ATR: variants seen among roughly 807,000 people sequenced by gnomAD.
ATR encodes the protein serine/threonine-protein kinase ATR.
ATR carries 142 observed loss-of-function variants against 305.3 expected under a neutral mutation model. The ratio of observed to expected loss-of-function variants is 0.47; its 90% CI spans 0.41 to 0.53. The LOEUF is 0.53. ATR is among the 20% of genes least tolerant of loss of function. The probability of loss-of-function intolerance (pLI) is 0.00; values close to 1 mark genes in which losing one functional copy is unlikely to be tolerated. For synonymous variants in ATR, 1,050 were observed against 1,068.1 expected (o/e 0.98, Z 0.33); for missense variants, 2,135 against 3,133.1 (o/e 0.68, Z 7.60).
chr3:142,507,636 G>A (rs1046419171), intron 28 of ATR, among the ~76,000 whole-genome samples: 3 of 151,810 alleles, frequency 2.0e-5, no homozygotes, highest in Admixed American at 2.0e-4. Flanking sequence ...ATAATGTCTT[G>A]CCTCCCTATA....
intron 3 of ATR, among the ~76,000 whole-genome samples, chr3:142,563,727 A>T (rs1361249440): frequency 6.6e-6 from 1 of 152,182 alleles, no homozygotes; most frequent in African/African-American, 2.4e-5. Context: ...AAAAGCTAGA[A>T]ATGATTAAGC....
chr3:142,500,199 A>C (rs1435641203), intron 30 of ATR: 1 of 156,230 alleles, frequency 6.4e-6, no homozygotes, highest in Non-Finnish European at 1.4e-5. Context: ...GGTATCTAGA[A>C]CAATACCAAG....
intron 1 of ATR, among the ~76,000 whole-genome samples, chr3:142,576,595 AT>A (rs2035448826): frequency 6.6e-6 from 1 of 152,232 alleles, no homozygotes; most frequent in Non-Finnish European, 1.5e-5. Context: ...AATTTTTTTA[AT>A]TTAAAAAAAG....
Position 142,449,328 on chromosome 3 carries a change from T to C in ATR, c.*101A>G, listed in dbSNP as rs1302848184. On this transcript the variant is annotated 3_prime_UTR_variant, in exon 47 of 47. Coordinates refer to ENST00000350721, the MANE Select transcript of ATR (RefSeq NM_001184.4). ...AGAGAAATAACAGTTGCTGAGAACG[T>C]AAATTTATGTTGTACTTTAGAATTG... 9.8e-6 allele frequency: 11 copies of C among 1,125,660 alleles called. No homozygotes were observed. Among genetic ancestry groups the C allele is most frequent in the African/African-American group, 1.6e-5 (1 of 63,740 alleles). The allele number at this position is 1,125,660 out of a possible 1,614,324, so 69.7% of individuals were successfully genotyped here.
At chr3:142,476,879 G>C (rs1202152153) in intron 36 of ATR, among the ~76,000 whole-genome samples, 3 of 152,164 alleles carry the variant, frequency 2.0e-5, no homozygotes, top group Non-Finnish European at 4.4e-5. Flanking sequence ...GTTCACTCAT[G>C]ATTTGGGTCT....
At chr3:142,511,856 G>A (rs1346454602) in intron 27 of ATR, among the ~76,000 whole-genome samples, 2 of 152,136 alleles carry the variant, frequency 1.3e-5, no homozygotes, top group Non-Finnish European at 2.9e-5. Flanking sequence ...GCTCATGCCT[G>A]TAATCCCAGC....
rs1419911332 is a variant in ATR, at chr3:142,498,760, T to A, written c.5395A>T (p.Thr1799Ser). 1.9e-6 allele frequency: 3 copies of A among 1,614,096 alleles called. No homozygotes were observed. Among genetic ancestry groups the A allele is most frequent in the Non-Finnish European group, 2.5e-6 (3 of 1,180,002 alleles). The change falls in exon 32 of 47, where the codon ACA becomes TCA. Residue 1799 changes from threonine to serine, a missense_variant. This residue lies in a region of ATR where 117 missense variants were observed against 198.3 expected (regional missense o/e 0.59). Coordinates refer to ENST00000350721, the MANE Select transcript of ATR (RefSeq NM_001184.4). ...NYLAADGKST[T>S]WSVRLGQLLL... is the part of the protein sequence containing the mutation. The stretch of plus-strand genomic sequence containing the variant: ...AGCTGTCCCAGTCTGACACTCCATG[T>A]TGTAGATTTTCCATCTGAAAAACAA...
chr3:142,519,022 A>G (rs983165471), intron 24 of ATR, among the ~76,000 whole-genome samples: 3 of 152,150 alleles, frequency 2.0e-5, no homozygotes, highest in African/African-American at 7.2e-5. Context: ...CTAGCTTTAA[A>G]CTTTAAATTT....
At chr3:142,453,020 G>C in intron 46 of ATR, 108 bp downstream of exon 46, 1 of 1,558,254 alleles carries the variant, frequency 6.4e-7, no homozygotes, top group African/African-American at 1.4e-5. Context: ...GTCACTAACA[G>C]TATTTCCAAG....
intron 21 of ATR, among the ~76,000 whole-genome samples, chr3:142,534,557 T>C (rs373661204): frequency 6.6e-6 from 1 of 152,178 alleles, no homozygotes; most frequent in African/African-American, 2.4e-5. Flanking sequence ...AATTTATTCA[T>C]ATACAGTGAT....
intron 21 of ATR, among the ~76,000 whole-genome samples, chr3:142,534,732 T>C (rs1306175898): frequency 3.3e-5 from 5 of 152,182 alleles, no homozygotes; most frequent in Non-Finnish European, 4.4e-5. Context: ...AATAGTAAAA[T>C]TGCTGACATT....
intron 23 of ATR, among the ~76,000 whole-genome samples, chr3:142,520,949 T>C (rs1318722881): frequency 2.6e-5 from 4 of 152,194 alleles, no homozygotes; most frequent in Non-Finnish European, 5.9e-5. Flanking sequence ...GCTTCAAAGC[T>C]TCAAAGGACA....
intron 16 of ATR, among the ~76,000 whole-genome samples, chr3:142,545,803 C>T (rs761582907): frequency 2.8e-4 from 43 of 152,094 alleles, no homozygotes; most frequent in Non-Finnish European, 5.0e-4. Flanking sequence ...AAATGGAGGG[C>T]TCACGAATGC....
At chr3:142,465,044 T>G in intron 41 of ATR, 53 bp downstream of exon 41, 1 of 1,213,680 alleles carries the variant, frequency 8.2e-7, no homozygotes. Flanking sequence ...TAGTCAAAAA[T>G]TTTTTTAAAA....
In ATR at chr3:142,469,369, G is replaced by C; in HGVS notation, c.6520C>G (p.Gln2174Glu). The C allele has an allele frequency of 1.9e-6, 3 of 1,613,890 alleles. No individual in the cohort carries two copies. The highest frequency in any genetic ancestry group is 2.5e-6 in the Non-Finnish European group (3 of 1,179,910). Reference sequence around the variant, plus strand: ...ACAGCTGTCATCATCCACATTGCTTGTTGAGGATAGGCTAGAAATACTTTG... The same window carrying C: ...ACAGCTGTCATCATCCACATTGCTTCTTGAGGATAGGCTAGAAATACTTTG... ...IAKVFLAYPQ[Q>E]AMWMMTAVSK... Residue 2174 changes from glutamine (Q) to glutamate (E), a missense_variant, in exon 38 of 47, where the codon CAA (glutamine) becomes GAA (glutamate). By Grantham distance (29) the Gln-to-Glu change is conservative. This residue lies in a region of ATR where 462 missense variants were observed against 887.6 expected (regional missense o/e 0.52). Transcript: ENST00000350721.
intron 24 of ATR, among the ~76,000 whole-genome samples, chr3:142,516,977 C>A (rs892197943): frequency 4.1e-5 from 5 of 122,608 alleles, no homozygotes; most frequent in Non-Finnish European, 8.1e-5. Flanking sequence ...AAGTCTTATA[C>A]CCAAATAATA....
intron 34 of ATR, among the ~76,000 whole-genome samples, chr3:142,495,997 A>G (rs2031566983): frequency 6.6e-6 from 1 of 151,748 alleles, no homozygotes; most frequent in Non-Finnish European, 1.5e-5. Flanking sequence ...CATTTAACCA[A>G]CATTTACTGG....
In ATR at chr3:142,503,459, A is replaced by C. The variant is rs1379859619; in HGVS notation, c.5197-6T>G. The C allele has an allele frequency of 6.4e-7, 1 of 1,558,264 alleles. No individual in the cohort carries two copies. Among genetic ancestry groups the C allele is most frequent in the Non-Finnish European group, 8.8e-7 (1 of 1,132,994 alleles). ...ACACCATGATAATGAATGATCTAGA[A>C]ATTTAAAAATATTTAAAATAGCAAT... is the stretch of plus-strand genomic sequence containing the variant. On this transcript the variant is annotated splice_polypyrimidine_tract_variant and splice_region_variant and intron_variant, in intron 29 of 46. Transcript: ENST00000350721.
intron 1 of ATR, among the ~76,000 whole-genome samples, chr3:142,572,733 C>T (rs1331952317): frequency 6.6e-6 from 1 of 151,944 alleles, no homozygotes; most frequent in Non-Finnish European, 1.5e-5. Context: ...TGTGTCACTG[C>T]ACTCCAGCCT....
Sources: allele counts gnomAD v4.1 joint callset (sites outside exome capture counted in the v4.1 genomes callset), GRCh38; gene constraint gnomAD v4.1.1; regional missense constraint gnomAD v4.1.1; transcripts MANE v1.5; gene names NCBI Gene and HGNC (gene_info 2026-07-23, HGNC 2026-07-21).